The following RGS10 variants were observed in gnomAD, a reference collection of about 807,000 sequenced individuals.
The protein encoded by RGS10 is regulator of G protein signaling 10.
RGS10 carries 11 observed loss-of-function variants against 23.5 expected under a neutral mutation model. The ratio of observed to expected loss-of-function variants is 0.47; its 90% confidence interval spans 0.29 to 0.77. The LOEUF is 0.77. Ranked by LOEUF, RGS10 falls within the 30% of genes least tolerant of loss-of-function variation. The probability of loss-of-function intolerance (pLI) is 0.08; values close to 1 mark genes in which losing one functional copy is unlikely to be tolerated. For missense variants in RGS10, 180 were observed against 226.3 expected (o/e 0.80, Z 1.31); for synonymous variants, 77 against 83.2 (o/e 0.92, Z 0.41).
At chr10:119,529,758 T>TA (rs952591297) in intron 1 of RGS10, among the ~76,000 whole-genome samples, 9 of 152,028 alleles carry the variant, frequency 5.9e-5, no homozygotes, top group Admixed American at 2.6e-4. Flanking sequence ...CATGTTTCTA[T>TA]AAAAAAAAGT....
At chr10:119,521,627 A>AAAGGAAGGAAGG (rs3064538) in intron 3 of RGS10, among the ~76,000 whole-genome samples, 6,215 of 119,746 alleles carry the variant, frequency 0.052, 246 homozygotes, top group African/African-American at 0.098. Context: ...GGAAGGAAAG[A>AAAGGAAGGAAGG]AAGGAAGGAA....
intron 1 of RGS10, among the ~76,000 whole-genome samples, chr10:119,540,751 G>C (rs1844427705): frequency 6.6e-6 from 1 of 152,144 alleles, no homozygotes; most frequent in Non-Finnish European, 1.5e-5. Context: ...GCAATCTAAA[G>C]TAATAAGTAA....
At chr10:119,510,182 C>T (rs1378890302) in intron 4 of RGS10, among the ~76,000 whole-genome samples, 1 of 152,194 alleles carries the variant, frequency 6.6e-6, no homozygotes, top group African/African-American at 2.4e-5. Flanking sequence ...GCCTTACCAG[C>T]CCAACCAGCA....
chr10:119,525,254 C>T (rs957045677), intron 3 of RGS10, among the ~76,000 whole-genome samples: 1 of 152,070 alleles, frequency 6.6e-6, no homozygotes, highest in Non-Finnish European at 1.5e-5. Flanking sequence ...CTGGCGGAGA[C>T]GGAACCTGAA....
At chr10:119,503,766 C>T (rs763186942) in intron 4 of RGS10, among the ~76,000 whole-genome samples, 6 of 152,224 alleles carry the variant, frequency 3.9e-5, no homozygotes, top group African/African-American at 4.8e-5. Flanking sequence ...CTTCTCCCTG[C>T]GTCTTCACAG....
At chr10:119,514,305 C>T (rs936163478) in intron 4 of RGS10, among the ~76,000 whole-genome samples, 17 of 151,822 alleles carry the variant, frequency 1.1e-4, no homozygotes, top group Non-Finnish European at 1.9e-4. Context: ...GGCAGTGAGC[C>T]GAGATCGAGC....
chr10:119,530,043 G>C (rs1844316922), intron 1 of RGS10, among the ~76,000 whole-genome samples: 1 of 152,208 alleles, frequency 6.6e-6, no homozygotes, highest in Non-Finnish European at 1.5e-5. Flanking sequence ...AGTGAGCTGA[G>C]ATTGCACCAC....
chr10:119,539,696 T>C, intron 1 of RGS10, among the ~76,000 whole-genome samples: 1 of 152,114 alleles, frequency 6.6e-6, no homozygotes, highest in African/African-American at 2.4e-5. Context: ...TGGAACACAC[T>C]TTGAGAAACC....
At chr10:119,501,355 T>A (rs1267635154) in intron 4 of RGS10, among the ~76,000 whole-genome samples, 2 of 152,180 alleles carry the variant, frequency 1.3e-5, no homozygotes, top group Non-Finnish European at 2.9e-5. Context: ...GGCGGGGTTG[T>A]CAAGTGGATG....
chr10:119,518,657 C>G (rs1186290998), intron 3 of RGS10, among the ~76,000 whole-genome samples: 3 of 152,030 alleles, frequency 2.0e-5, no homozygotes, highest in Admixed American at 2.0e-4. Flanking sequence ...AAAGATCCCC[C>G]TTGACCCCAC....
intron 4 of RGS10, among the ~76,000 whole-genome samples, chr10:119,500,811 A>AG (rs1034818339): frequency 4.0e-5 from 6 of 151,836 alleles, no homozygotes; most frequent in African/African-American, 1.5e-4. Flanking sequence ...AATCTTAGCA[A>AG]GGGAACAGGT....
intron 4 of RGS10, among the ~76,000 whole-genome samples, chr10:119,504,188 T>C (rs1348749396): frequency 6.6e-6 from 1 of 152,222 alleles, no homozygotes; most frequent in South Asian, 2.1e-4. Flanking sequence ...TTCTTTTTTG[T>C]TGTTGTTGTT....
At position 119,520,889 on chromosome 10, in the gene RGS10, T is replaced by C. The variant is rs557244930; in HGVS notation, c.255+5143A>G. Among the ~76,000 whole-genome samples the C allele has an allele frequency of 4.6e-5, 7 of 150,768 alleles. No homozygotes were observed. The South Asian group carries it at 1.3e-3, about 27-fold the overall frequency. On this transcript the variant is annotated intron_variant, in intron 3 of 4. Coordinates refer to ENST00000369103, the MANE Select transcript of RGS10 (RefSeq NM_001005339.2). ...CAATGCAGGGCGTGAAAGGTCATCA[T>C]TGGAAAAGAGACCAGAGACAATGGA... is the stretch of plus-strand genomic sequence containing the variant.
At chr10:119,510,916 CA>C (rs149381127) in intron 4 of RGS10, among the ~76,000 whole-genome samples, 4,592 of 152,206 alleles carry the variant, frequency 0.03, 179 homozygotes, top group East Asian at 0.21. Context: ...GACGGAGTTT[CA>C]CCGTGTTAGC....
At chr10:119,514,821 G>A (rs1589835874) in intron 4 of RGS10, among the ~76,000 whole-genome samples, 1 of 152,060 alleles carries the variant, frequency 6.6e-6, no homozygotes, top group East Asian at 1.9e-4. Context: ...TGAGGTCCAG[G>A]GTGGGGTCGA....
chr10:119,528,877 TC>T (rs1477466479), intron 1 of RGS10, among the ~76,000 whole-genome samples: 56 of 122,448 alleles, frequency 4.6e-4, no homozygotes, highest in African/African-American at 1.7e-3. Flanking sequence ...TAAATAAATA[TC>T]ATTATCCTGA....
At chr10:119,522,255 T>C (rs1179912427) in intron 3 of RGS10, among the ~76,000 whole-genome samples, 1 of 152,164 alleles carries the variant, frequency 6.6e-6, no homozygotes, top group Non-Finnish European at 1.5e-5. Context: ...CGTCAAGGAA[T>C]GAACCAACAC....
chr10:119,507,070 C>T (rs1303949666), intron 4 of RGS10, among the ~76,000 whole-genome samples: 2 of 152,164 alleles, frequency 1.3e-5, no homozygotes, highest in African/African-American at 2.4e-5. Flanking sequence ...TCCTGACCCT[C>T]GTGAGGCAGA....
chr10:119,522,892 TG>T (rs1229399085), intron 3 of RGS10, among the ~76,000 whole-genome samples: 12 of 151,496 alleles, frequency 7.9e-5, no homozygotes, highest in African/African-American at 2.9e-4. Flanking sequence ...TTTTTTTTTT[TG>T]TTGAGACAGG....
Sources: gnomAD v4.1 joint callset for allele counts (sites outside exome capture counted in the v4.1 genomes callset) on GRCh38, gnomAD v4.1.1 for gene constraint, MANE v1.5 for transcripts, NCBI Gene and HGNC (gene_info 2026-07-23, HGNC 2026-07-21) for gene names.